The following AGO2 variants were observed in gnomAD, a reference collection of about 807,000 sequenced individuals.
AGO2 encodes the protein argonaute RISC catalytic component 2.
In AGO2, 5 loss-of-function variants were observed where a neutral mutation model predicts 102.3. The observed-to-expected ratio is 0.05, with a 90% CI of 0.03 to 0.10. The LOEUF is 0.10. Ranked by LOEUF, AGO2 falls within the 10% of genes least tolerant of loss-of-function variation. The pLI, the probability that AGO2 is intolerant of heterozygous loss-of-function variation, is 1.00. For missense variants in AGO2, 541 were observed against 1,183.7 expected (o/e 0.46, Z 7.97); for synonymous variants, 449 against 473.1 (o/e 0.95, Z 0.66).
At chr8:140,603,615 G>A (rs1588498535) in intron 1 of AGO2, among the ~76,000 whole-genome samples, 1 of 152,208 alleles carries the variant, frequency 6.6e-6, no homozygotes, top group Non-Finnish European at 1.5e-5. Flanking sequence ...TCCAGAGGTG[G>A]AGCCACGCAC....
At chr8:140,532,176 A>T in intron 18 of AGO2, 24 bp from the exon 19 acceptor site, 1 of 1,589,198 alleles carries the variant, frequency 6.3e-7, no homozygotes, top group Non-Finnish European at 8.6e-7. Flanking sequence ...AGAGAGAGAG[A>T]ATGAGAATGT....
rs760721583 is a variant in AGO2 at position 140,541,295 on chromosome 8, G to A, written c.1903C>T (p.Arg635Trp). 2 of 1,613,516 alleles carry A rather than the reference G, an allele frequency of 1.2e-6. No individual in the cohort carries two copies. Among genetic ancestry groups the A allele is most frequent in the Non-Finnish European group, 8.5e-7 (1 of 1,179,890 alleles). The change falls in exon 15 of 19, where the codon CGG (arginine) becomes TGG (tryptophan). Residue 635 changes from arginine (R) to tryptophan (W), a missense_variant. Transcript: ENST00000220592. ...GCCAGGTCTTGTATGATCTCCTGCC[G>A]GTGCTGCTGCACGCGCACGGTGGCG... ...YCATVRVQQH[R>W]QEIIQDLAAM...
chr8:140,557,931 G>A lies in AGO2; in HGVS notation c.878+554C>T, dbSNP rs1320868857. On this transcript the variant is annotated intron_variant, in intron 7 of 18. Transcript: ENST00000220592. The surrounding 1 kb of genome is among the most constrained non-coding windows in gnomAD (Gnocchi z 5.9). Reference sequence around the variant, plus strand: ...TGGTACCTCCAGTGCCTGGCAACAGGCCTGGCACTTTCCATGGAATGATCC... The same window carrying A: ...TGGTACCTCCAGTGCCTGGCAACAGACCTGGCACTTTCCATGGAATGATCC... Among the ~76,000 whole-genome samples, 1 of 152,216 alleles carries A rather than the reference G, an allele frequency of 6.6e-6. No homozygotes were observed. Among genetic ancestry groups the A allele is most frequent in the East Asian group, 1.9e-4 (1 of 5,198 alleles).
intron 10 of AGO2, among the ~76,000 whole-genome samples, chr8:140,554,913 C>T (rs1475329296): frequency 3.3e-5 from 5 of 151,986 alleles, no homozygotes; most frequent in Admixed American, 1.3e-4. Context: ...TGACCTCAAG[C>T]GATCCACCCG....
intron 2 of AGO2, among the ~76,000 whole-genome samples, chr8:140,575,615 A>G (rs2073452691): frequency 6.6e-6 from 1 of 152,136 alleles, no homozygotes; most frequent in African/African-American, 2.4e-5. Context: ...ACACACCCTG[A>G]CTCATTTCAT....
At chr8:140,562,139 C>T (rs997591397) in intron 4 of AGO2, among the ~76,000 whole-genome samples, 3 of 152,214 alleles carry the variant, frequency 2.0e-5, no homozygotes, top group African/African-American at 4.8e-5. Context: ...TCTCCTATCA[C>T]GAGTCCCAAG....
At chr8:140,634,618 C>G (rs2074379898) in intron 1 of AGO2, among the ~76,000 whole-genome samples, 2 of 152,232 alleles carry the variant, frequency 1.3e-5, no homozygotes, top group South Asian at 4.1e-4. Flanking sequence ...AACGCGTTAC[C>G]GCTTTAAGTT....
intron 16 of AGO2, 123 bp from the exon 17 acceptor site, chr8:140,535,692 T>C: frequency 3.7e-6 from 3 of 802,590 alleles, no homozygotes; most frequent in Admixed American, 3.9e-5. Flanking sequence ...AATTGGCTAA[T>C]ACAGGTCCTC....
chr8:140,568,103 CAAAA>C (rs553804959), intron 3 of AGO2, among the ~76,000 whole-genome samples: 25,283 of 110,716 alleles, frequency 0.23, 2,522 homozygotes, highest in Admixed American at 0.37. Flanking sequence ...ACTAAAAATA[CAAAA>C]AAAAAAAAAA....
Position 140,523,682 on chromosome 8 carries a change from TG to T in AGO2, c.*8361del, listed in dbSNP as rs1470813162. 3 of 152,160 alleles carry T rather than the reference TG, an allele frequency of 2.0e-5. No individual in the cohort carries two copies. Among genetic ancestry groups the T allele is most frequent in the African/African-American group, 7.2e-5 (3 of 41,426 alleles). 9.4% of individuals were successfully genotyped at this position (152,160 alleles called of 1,614,324 possible). A position where few individuals can be genotyped will look rare whatever the true frequency, so the allele number is the denominator to read the frequency against. On this transcript the variant is annotated 3_prime_UTR_variant, in exon 19 of 19. Coordinates refer to ENST00000220592, the MANE Select transcript of AGO2 (RefSeq NM_012154.5). ...TAAAATCCACTATCAAACTCAGGCC[TG>T]GAATTTCAATGCAACGCCACCCTCC...
At chr8:140,627,328 T>C (rs1011325306) in intron 1 of AGO2, among the ~76,000 whole-genome samples, 1 of 152,210 alleles carries the variant, frequency 6.6e-6, no homozygotes, top group African/African-American at 2.4e-5. Context: ...AACAGTTCTA[T>C]TATTTTACTC....
At chr8:140,620,653 C>T (rs1380595124) in intron 1 of AGO2, among the ~76,000 whole-genome samples, 1 of 152,060 alleles carries the variant, frequency 6.6e-6, no homozygotes, top group African/African-American at 2.4e-5. Context: ...TCACTTTGAG[C>T]TCAGGAGTTT....
intron 2 of AGO2, among the ~76,000 whole-genome samples, chr8:140,583,601 C>T (rs1325308573): frequency 6.6e-6 from 1 of 152,194 alleles, no homozygotes; most frequent in Non-Finnish European, 1.5e-5. Context: ...AGGTCGGGCC[C>T]AGTGGCTCAT....
intron 2 of AGO2, among the ~76,000 whole-genome samples, chr8:140,584,131 C>G (rs548927493): frequency 3.3e-5 from 4 of 122,960 alleles, no homozygotes; most frequent in African/African-American, 1.2e-4. Flanking sequence ...AGACAAGAAA[C>G]TCAGTAAAAA....
At chr8:140,641,709 G>A in the AGO2 span, among the ~76,000 whole-genome samples, 1 of 152,258 alleles carries the variant, frequency 6.6e-6, no homozygotes, top group South Asian at 2.1e-4. Flanking sequence ...TCAGCCCCCC[G>A]AGTAGCTGGG....
rs144381819 is a variant in AGO2, at chr8:140,556,200, C to T, written c.1113G>A (p.Ser371=). Residue 371 remains serine (S), a synonymous_variant, in exon 9 of 19, where the codon TCG becomes TCA. Coordinates refer to ENST00000220592, the MANE Select transcript of AGO2 (RefSeq NM_012154.5). ...TSTMIRATAR[S]APDRQEEISK... ...TAATCTCTTCTTGCCGATCGGGCGC[C>T]GACCTAGCAGTCGCTCTGATCATGG... The T allele has an allele frequency of 9.7e-5, 156 of 1,614,122 alleles. No individual in the cohort carries two copies. In the African/African-American group the frequency reaches 1.7e-3, roughly 18 times the overall value.
chr8:140,549,435 C>T (rs55814669), intron 11 of AGO2, 137 bp from the exon 12 acceptor site: 19,501 of 827,126 alleles, frequency 0.024, 901 homozygotes, highest in African/African-American at 0.16. Flanking sequence ...TTCTTAAAGT[C>T]CTGAATGAGG....
chr8:140,624,339 C>A (rs765190641), intron 1 of AGO2, among the ~76,000 whole-genome samples: 3 of 152,218 alleles, frequency 2.0e-5, no homozygotes, highest in Non-Finnish European at 4.4e-5. Context: ...GGAGCCAGAA[C>A]GTCCACACTG....
Position 140,559,477 on chromosome 8 carries a change from T to C in AGO2, c.708A>G (p.Glu236=). 6.2e-7 allele frequency: 1 copy of C among 1,614,252 alleles called. No individual in the cohort carries two copies. Among genetic ancestry groups the C allele is most frequent in the Non-Finnish European group, 8.5e-7 (1 of 1,180,044 alleles). Residue 236 remains glutamate (E), a synonymous_variant, in exon 6 of 19, where the codon GAA becomes GAG. Coordinates refer to ENST00000220592, the MANE Select transcript of AGO2 (RefSeq NM_012154.5). ...CTTCAATACTTTTAAAATCCAAAAC[T>C]TCACAAACAAACTCGATTACTGGCT... is the stretch of plus-strand genomic sequence containing the variant. ...KAQPVIEFVC[E]VLDFKSIEEQ...
Sources: gnomAD v4.1 joint callset for allele counts (sites outside exome capture counted in the v4.1 genomes callset) on GRCh38, gnomAD v4.1.1 for gene constraint, Gnocchi (gnomAD v3.1) non-coding constraint, MANE v1.5 for transcripts, NCBI Gene and HGNC (gene_info 2026-07-23, HGNC 2026-07-21) for gene names.